The following SEMA6D variants were observed in gnomAD, a reference collection of about 807,000 sequenced individuals.
The protein encoded by SEMA6D is semaphorin 6D.
SEMA6D carries 35 observed loss-of-function variants against 106.6 expected under a neutral mutation model. The ratio of observed to expected loss-of-function variants is 0.33; its 90% CI spans 0.25 to 0.44. The LOEUF (loss-of-function observed/expected upper bound fraction) is 0.44. Ranked by LOEUF, SEMA6D falls within the 20% of genes least tolerant of loss-of-function variation. The pLI, the probability that SEMA6D is intolerant of heterozygous loss-of-function variation, is 1.00. For synonymous variants in SEMA6D, 499 were observed against 487.7 expected (o/e 1.02, Z -0.31); for missense variants, 1,185 against 1,345.9 (o/e 0.88, Z 1.87).
chr15:47,518,309 A>G (rs1356200809), intron 3 of SEMA6D, among the ~76,000 whole-genome samples: 1 of 152,242 alleles, frequency 6.6e-6, no homozygotes, highest in Non-Finnish European at 1.5e-5. Flanking sequence ...GTGGTGAAAT[A>G]CAGGATAAGC....
chr15:47,195,620 C>G (rs571238135), intron 1 of SEMA6D, among the ~76,000 whole-genome samples: 2 of 152,230 alleles, frequency 1.3e-5, no homozygotes, highest in South Asian at 4.2e-4. Flanking sequence ...CATGATGCCT[C>G]TAAAGGATCA....
chr15:47,538,149 T>C (rs564424176), intron 3 of SEMA6D, among the ~76,000 whole-genome samples: 14 of 152,272 alleles, frequency 9.2e-5, no homozygotes, highest in African/African-American at 3.4e-4. Flanking sequence ...GATGAGATAT[T>C]TTCTCAAAAA....
intron 3 of SEMA6D, among the ~76,000 whole-genome samples, chr15:47,531,888 C>G (rs1403336274): frequency 1.3e-5 from 2 of 152,194 alleles, no homozygotes; most frequent in African/African-American, 4.8e-5. Context: ...GATTCTTGTT[C>G]TAAAGCACCC....
chr15:47,678,190 T>TG (rs201556396), intron 4 of SEMA6D, among the ~76,000 whole-genome samples: 2,051 of 152,262 alleles, frequency 0.013, 48 homozygotes, highest in African/African-American at 0.047. Context: ...TCCAATGCAG[T>TG]GACTCTGGGC....
chr15:47,299,810 C>T (rs918111696), intron 1 of SEMA6D, among the ~76,000 whole-genome samples: 2 of 152,144 alleles, frequency 1.3e-5, no homozygotes, highest in Non-Finnish European at 2.9e-5. Context: ...TGATGAAGTA[C>T]TTGTAAGTAC....
intron 1 of SEMA6D, among the ~76,000 whole-genome samples, chr15:47,750,104 C>T (rs574467488): frequency 5.3e-5 from 8 of 152,110 alleles, no homozygotes; most frequent in Non-Finnish European, 8.8e-5. Flanking sequence ...AGAATATGGA[C>T]TCAGGCTTCT....
Position 47,227,446 on chromosome 15 carries a change from CT to C in SEMA6D, c.-239+43032del, listed in dbSNP as rs66974141. 4.5e-4 allele frequency among the ~76,000 whole-genome samples: 28 copies of C among 62,458 alleles called. No individual in the cohort carries two copies. The South Asian group carries it at 6.9e-3, about 15-fold the overall frequency. 41.0% of individuals were successfully genotyped at this position (62,458 alleles called of 152,430 possible). On this transcript the variant is annotated intron_variant, in intron 1 of 19. Coordinates refer to the SEMA6D transcript ENST00000558014. ...CTTTCTTTCTTTCTTTCTTTTCTTT[CT>C]TTTCTTTCTTTTCTTTCTTTTTCTT... is the stretch of plus-strand genomic sequence containing the variant.
At chr15:47,761,075 C>A (rs1160141437) in intron 4 of SEMA6D, 37 bp downstream of exon 4, 5 of 1,611,652 alleles carry the variant, frequency 3.1e-6, no homozygotes, top group Non-Finnish European at 3.4e-6. Flanking sequence ...TTTACCTTCC[C>A]TCTGAACCTG....
intron 4 of SEMA6D, among the ~76,000 whole-genome samples, chr15:47,677,741 G>A (rs972729316): frequency 6.6e-6 from 1 of 152,048 alleles, no homozygotes; most frequent in African/African-American, 2.4e-5. Context: ...TTAGTGTTTG[G>A]CTCATTGTGA....
chr15:47,402,999 G>C (rs1163201895), intron 1 of SEMA6D, among the ~76,000 whole-genome samples: 1 of 152,124 alleles, frequency 6.6e-6, no homozygotes, highest in East Asian at 1.9e-4. Flanking sequence ...ATCCTGTCCT[G>C]TTCACAGCAG....
At chr15:47,617,782 GATTA>G (rs1340142368) in intron 4 of SEMA6D, among the ~76,000 whole-genome samples, 1 of 152,186 alleles carries the variant, frequency 6.6e-6, no homozygotes, top group Non-Finnish European at 1.5e-5. Context: ...CTGAGCTAGA[GATTA>G]ATTGAGTTAA....
intron 1 of SEMA6D, among the ~76,000 whole-genome samples, chr15:47,207,993 G>GCGCGCACACA (rs1424944556): frequency 4.8e-4 from 43 of 89,454 alleles, no homozygotes; most frequent in South Asian, 8.9e-4. Context: ...TGGCGCGCGC[G>GCGCGCACACA]CACACACACA....
chr15:47,730,620 G>C lies in SEMA6D; in HGVS notation c.-55+12928G>C, dbSNP rs1272520142. ...GCCAACAGTCTCTGCTTCTTCTCTT[G>C]CTTTGTCTCTGGTCTGTACTTGTGG... On this transcript the variant is annotated intron_variant, in intron 1 of 18. Transcript: ENST00000536845. 8.2e-6 allele frequency: 13 copies of C among 1,576,264 alleles called. No individual in the cohort carries two copies. The South Asian group carries it at 1.4e-4, about 17-fold the overall frequency.
intron 3 of SEMA6D, among the ~76,000 whole-genome samples, chr15:47,487,970 C>T (rs1336031527): frequency 6.6e-6 from 1 of 152,132 alleles, no homozygotes; most frequent in Non-Finnish European, 1.5e-5. Flanking sequence ...CACCAAATTG[C>T]CAGTCAACAT....
chr15:47,465,860 T>G (rs1054180849), intron 2 of SEMA6D, among the ~76,000 whole-genome samples: 9 of 151,592 alleles, frequency 5.9e-5, no homozygotes, highest in African/African-American at 2.2e-4. Flanking sequence ...GAAAATGGAC[T>G]AATTCACCAG....
chr15:47,479,117 A>G lies in SEMA6D; in HGVS notation c.-87+8572A>G, dbSNP rs139093217. On this transcript the variant is annotated intron_variant, in intron 3 of 19. Transcript: ENST00000558014. ...GCCAAACCATATCAGCCATCATTCT[A>G]TGCATCCAAAGTGTAAACCACATTC... Among the ~76,000 whole-genome samples the G allele has an allele frequency of 8.5e-5, 13 of 152,274 alleles. No homozygotes were observed. In the East Asian group the frequency reaches 9.7e-4, roughly 11 times the overall value.
intron 3 of SEMA6D, among the ~76,000 whole-genome samples, chr15:47,565,432 C>A (rs1341677318): frequency 1.3e-5 from 2 of 152,240 alleles, no homozygotes; most frequent in African/African-American, 4.8e-5. Flanking sequence ...TGCTCACACA[C>A]TCCCTCCCGT....
chr15:47,525,804 G>A (rs1287536891), intron 3 of SEMA6D, among the ~76,000 whole-genome samples: 1 of 152,178 alleles, frequency 6.6e-6, no homozygotes, highest in African/African-American at 2.4e-5. Context: ...GAGCCTTGCA[G>A]GGGTCTCTGA....
intron 1 of SEMA6D, among the ~76,000 whole-genome samples, chr15:47,222,469 T>C (rs1395099316): frequency 1.3e-5 from 2 of 152,190 alleles, no homozygotes; most frequent in African/African-American, 4.8e-5. Context: ...GATAAAATTG[T>C]CTCCCAGTGT....
Sources: gnomAD v4.1 joint callset for allele counts (sites outside exome capture counted in the v4.1 genomes callset) on GRCh38, gnomAD v4.1.1 for gene constraint, MANE v1.5 for transcripts, NCBI Gene and HGNC (gene_info 2026-07-23, HGNC 2026-07-21) for gene names.